EFCC1: variants seen among roughly 807,000 people sequenced by gnomAD.
EFCC1 encodes the protein EF-hand and coiled-coil domain-containing protein 1.
Under a neutral mutation model 52.1 loss-of-function variants are expected in EFCC1, and 50 were observed. The ratio of observed to expected loss-of-function variants is 0.96; its 90% CI spans 0.76 to 1.21. The LOEUF is 1.21. Among genes scored for constraint, EFCC1 ranks in the 50% most tolerant of loss-of-function variants. EFCC1 has a pLI of 0.00. For missense variants in EFCC1, 837 were observed against 867.3 expected, an observed-to-expected ratio of 0.97 and a Z score of 0.44; for synonymous variants, 399 against 396.5, an observed-to-expected ratio of 1.01 and a Z score of -0.08.
chr3:129,025,379 G>A (rs1279449800), intron 2 of EFCC1, among the ~76,000 whole-genome samples: 1 of 152,166 alleles, frequency 6.6e-6, no homozygotes, highest in Non-Finnish European at 1.5e-5. Context: ...CACGGGAAGA[G>A]TGTGTAAGCG....
intron 2 of EFCC1, 74 bp from the exon 3 acceptor site, chr3:129,030,629 T>C: frequency 6.8e-7 from 1 of 1,462,462 alleles, no homozygotes; most frequent in East Asian, 2.5e-5. Flanking sequence ...ATAGACAGCT[T>C]GCCCATGTAC....
intron 2 of EFCC1, among the ~76,000 whole-genome samples, chr3:129,006,625 G>A (rs1945086933): frequency 6.6e-6 from 1 of 152,154 alleles, no homozygotes; most frequent in South Asian, 2.1e-4. Flanking sequence ...CAAAAGTGGG[G>A]TTCTGTTAGT....
Position 129,026,862 on chromosome 3 carries a change from C to T in EFCC1, c.981-3841C>T, listed in dbSNP as rs1007105547. Among the ~76,000 whole-genome samples the T allele has an allele frequency of 3.3e-5, 5 of 152,316 alleles. No homozygotes were observed. In the East Asian group the frequency reaches 9.6e-4, roughly 29 times the overall value. The stretch of plus-strand genomic sequence containing the variant: ...ACACTGGTTGCTGCTAAGCAACGTG[C>T]CCATTCTCGGCTTGCACTGGGGGAC... On this transcript the variant is annotated intron_variant, in intron 2 of 7. Coordinates refer to ENST00000683648, the MANE Select transcript of EFCC1 (RefSeq NM_001377500.1).
chr3:129,002,656 T>G, intron 1 of EFCC1: 15 of 335,940 alleles, frequency 4.5e-5, no homozygotes, highest in Non-Finnish European at 5.4e-5. Context: ...GTCTCACATA[T>G]TCCCTTTCAA....
At chr3:129,023,801 G>A (rs1341007509) in intron 2 of EFCC1, among the ~76,000 whole-genome samples, 1 of 152,170 alleles carries the variant, frequency 6.6e-6, no homozygotes, top group Non-Finnish European at 1.5e-5. Flanking sequence ...ATCACGTAGG[G>A]TCCACCCCTC....
chr3:129,029,484 C>A (rs1364374761), intron 2 of EFCC1, among the ~76,000 whole-genome samples: 1 of 152,042 alleles, frequency 6.6e-6, no homozygotes, highest in Non-Finnish European at 1.5e-5. Flanking sequence ...ATCTGAAATC[C>A]CAGTGCTTTT....
rs1194247271 is a variant in EFCC1 at position 129,010,454 on chromosome 3, G to A, written c.980+6377G>A. ...CCGGAACAGGGAGGAGAGGCCTGGC[G>A]GCCTGGCCTCTGGCTTTGTTGTTGG... On this transcript the variant is annotated intron_variant, in intron 2 of 7. Coordinates refer to ENST00000683648, the MANE Select transcript of EFCC1 (RefSeq NM_001377500.1). The surrounding 1 kb of genome is among the most constrained non-coding windows in gnomAD (Gnocchi z 4.3). Among the ~76,000 whole-genome samples the A allele has an allele frequency of 3.3e-5, 5 of 152,046 alleles. No individual in the cohort carries two copies. The East Asian group carries it at 5.8e-4, about 18-fold the overall frequency.
chr3:129,007,813 A>T (rs1945140456), intron 2 of EFCC1, among the ~76,000 whole-genome samples: 1 of 152,140 alleles, frequency 6.6e-6, no homozygotes, highest in African/African-American at 2.4e-5. Context: ...TCTTTTTCAG[A>T]CCTGTACTTT....
At position 129,003,920 on chromosome 3, in the gene EFCC1, C is replaced by T. The variant is rs1421569765; in HGVS notation, c.823C>T (p.Arg275Cys). 1.5e-6 allele frequency: 2 copies of T among 1,355,364 alleles called. No individual in the cohort carries two copies. Among genetic ancestry groups the T allele is most frequent in the Middle Eastern group, 2.7e-4 (1 of 3,650 alleles). The allele number at this position is 1,355,364 out of a possible 1,614,324, so 84.0% of individuals were successfully genotyped here. A position where few individuals can be genotyped will look rare whatever the true frequency, so the allele number is the denominator to read the frequency against. The change falls in exon 2 of 8, where the codon CGC becomes TGC. Residue 275 changes from arginine (R) to cysteine (C), a missense_variant. Physicochemically the swap from Arg to Cys is radical, Grantham distance 180. Transcript: ENST00000683648. ...GGCGGAGGCCCGCGCTGGGCGGCTG[C>T]GCCGTGGCCAGGCCGAGGTGCGGCG... ...AAAEARAGRLRRGQAEVRRRA... is the reference protein window; with the variant it reads ...AAAEARAGRLCRGQAEVRRRA...
In EFCC1 at chr3:129,037,010, C is replaced by T. The variant is rs1412248187; in HGVS notation, c.1486C>T (p.His496Tyr). ...ELQQKVEENEHLRLELQMVET... is the reference protein window; with the variant it reads ...ELQQKVEENEYLRLELQMVET... ...GCAGCAGAAGGTGGAAGAGAATGAG[C>T]ACCTGAGGCTGGAGCTGCAGATGGT... The change falls in exon 6 of 8, where the codon CAC becomes TAC. Residue 496 changes from histidine to tyrosine, a missense_variant. His to Tyr is a moderately conservative substitution (Grantham distance 83). Transcript: ENST00000683648. The T allele has an allele frequency of 1.2e-6, 2 of 1,613,812 alleles. No homozygotes were observed. Among genetic ancestry groups the T allele is most frequent in the African/African-American group, 1.3e-5 (1 of 74,912 alleles).
chr3:129,020,506 C>T (rs1361219978), intron 2 of EFCC1, among the ~76,000 whole-genome samples: 1 of 152,110 alleles, frequency 6.6e-6, no homozygotes, highest in Non-Finnish European at 1.5e-5. Flanking sequence ...GCATGGTGGC[C>T]TGCACCTGTG....
rs1001543279 is a variant in EFCC1 at position 129,003,905 on chromosome 3, C to G, written c.808C>G (p.Arg270Gly). The change falls in exon 2 of 8, where the codon CGC (arginine) becomes GGC (glycine). Residue 270 changes from arginine to glycine, a missense_variant. Transcript: ENST00000683648. ...AQGALAAAEA[R>G]AGRLRRGQAE... The stretch of plus-strand genomic sequence containing the variant: ...GGGCGCCCTGGCTGCGGCGGAGGCC[C>G]GCGCTGGGCGGCTGCGCCGTGGCCA... 1.5e-6 allele frequency: 2 copies of G among 1,348,776 alleles called. No individual in the cohort carries two copies. The allele number at this position is 1,348,776 out of a possible 1,614,324, so 83.6% of individuals were successfully genotyped here.
intron 5 of EFCC1, among the ~76,000 whole-genome samples, chr3:129,034,750 G>A (rs1179809108): frequency 1.3e-5 from 2 of 152,174 alleles, no homozygotes; most frequent in Non-Finnish European, 2.9e-5. Flanking sequence ...CAGCCCACCT[G>A]GGAAGCCCTC....
At chr3:129,030,396 C>T in intron 2 of EFCC1, 1 of 223,918 alleles carries the variant, frequency 4.5e-6, no homozygotes, top group Non-Finnish European at 8.7e-6. Flanking sequence ...CACATTCTCA[C>T]ATGACAATGT....
rs932308023 is a variant in EFCC1, at chr3:129,034,153, C to G, written c.1287-11C>G. ...AGCCCCCTGCAATGCGGGCCCTCTCCTTTGCTGCAGGTGTGATGACCAGAC... is the reference window on the plus strand; with the variant it reads ...AGCCCCCTGCAATGCGGGCCCTCTCGTTTGCTGCAGGTGTGATGACCAGAC... On this transcript the variant is annotated splice_polypyrimidine_tract_variant and intron_variant, in intron 4 of 7. Transcript: ENST00000683648. 3 of 1,614,090 alleles carry G rather than the reference C, an allele frequency of 1.9e-6. No individual in the cohort carries two copies. The African/African-American group carries it at 4.0e-5, about 22-fold the overall frequency.
At position 129,040,385 on chromosome 3, in the gene EFCC1, T is replaced by C. The variant is rs113358430; in HGVS notation, c.*537T>C. The C allele has an allele frequency of 0.01, 1,542 of 152,994 alleles. 20 individuals carry two copies. The highest frequency in any genetic ancestry group is 0.036 in the African/African-American group (1,479 of 41,584). The allele number at this position is 152,994 out of a possible 1,614,324, so 9.5% of individuals were successfully genotyped here. ...AATTCCAAGGAAGGAACAATCACTGTAGGCTCCCTGGTAGAAGCTGGCCTT... is the reference window on the plus strand; with the variant it reads ...AATTCCAAGGAAGGAACAATCACTGCAGGCTCCCTGGTAGAAGCTGGCCTT... On this transcript the variant is annotated 3_prime_UTR_variant, in exon 8 of 8. Transcript: ENST00000683648. The surrounding 1 kb of genome is among the most constrained non-coding windows in gnomAD (Gnocchi z 4.4).
intron 2 of EFCC1, among the ~76,000 whole-genome samples, chr3:129,008,605 C>T (rs1945179699): frequency 6.6e-6 from 1 of 151,904 alleles, no homozygotes; most frequent in Non-Finnish European, 1.5e-5. Flanking sequence ...AATCCCCGTG[C>T]CACAATCCTT....
chr3:129,009,861 C>CG (rs1320713349), intron 2 of EFCC1, among the ~76,000 whole-genome samples: 1 of 152,154 alleles, frequency 6.6e-6, no homozygotes, highest in Non-Finnish European at 1.5e-5. Context: ...GGAGTGGTTT[C>CG]GGGGGGACTC....
rs1436234773 is a variant in EFCC1, at chr3:129,002,049, A to C, written c.421A>C (p.Thr141Pro). 6.5e-7 allele frequency: 1 copy of C among 1,540,700 alleles called. No individual in the cohort carries two copies. The highest frequency in any genetic ancestry group is 8.7e-7 in the Non-Finnish European group (1 of 1,143,252). The part of the protein sequence containing the change: ...LALRAEPPEL[T>P]FRQFHARLCG... ...GCTGCGCGCCGAGCCGCCGGAGCTC[A>C]CCTTCCGCCAGTTCCACGCGCGCCT... The change falls in exon 1 of 8, where the codon ACC becomes CCC. Residue 141 changes from threonine (T) to proline (P), a missense_variant. By Grantham distance (38) the Thr-to-Pro change is conservative (BLOSUM62 -1). Transcript: ENST00000683648.
Sources: allele counts gnomAD v4.1 joint callset (sites outside exome capture counted in the v4.1 genomes callset), GRCh38; gene constraint gnomAD v4.1.1; non-coding constraint Gnocchi (gnomAD v3.1); transcripts MANE v1.5; gene names NCBI Gene and HGNC (gene_info 2026-07-23, HGNC 2026-07-21).